Variants in PHKB observed in about 807,000 individuals in gnomAD.
The protein encoded by PHKB is phosphorylase b kinase regulatory subunit beta.
Under a neutral mutation model 152.1 loss-of-function variants are expected in PHKB, and 122 were observed. The observed-to-expected ratio is 0.80, with a 90% CI of 0.69 to 0.93. The LOEUF (loss-of-function observed/expected upper bound fraction) is 0.93. Among genes scored for constraint, PHKB ranks in the 40% least tolerant of loss-of-function variants. PHKB has a pLI of 0.00. For synonymous variants in PHKB, 436 were observed against 464.9 expected, an observed-to-expected ratio of 0.94 and a Z score of 0.80; for missense variants, 1,304 against 1,328.4, an observed-to-expected ratio of 0.98 and a Z score of 0.29.
intron 6 of PHKB, among the ~76,000 whole-genome samples, chr16:47,533,350 C>G (rs577101331): frequency 4.5e-4 from 68 of 152,294 alleles, no homozygotes; most frequent in African/African-American, 1.6e-3. Context: ...AGTCCAGCCG[C>G]CAGCCTTCAG....
At chr16:47,487,803 A>G (rs1033219264) in intron 1 of PHKB, among the ~76,000 whole-genome samples, 4 of 152,148 alleles carry the variant, frequency 2.6e-5, no homozygotes, top group Non-Finnish European at 5.9e-5. Context: ...ATGGTATTTC[A>G]TGGTATATAG....
At chr16:47,631,586 G>A (rs1456814147) in intron 14 of PHKB, among the ~76,000 whole-genome samples, 4 of 152,068 alleles carry the variant, frequency 2.6e-5, no homozygotes, top group East Asian at 1.9e-4. Context: ...CTATCAACCC[G>A]TCATCTACAT....
chr16:47,569,493 C>T (rs1479798344), intron 7 of PHKB, among the ~76,000 whole-genome samples: 1 of 152,170 alleles, frequency 6.6e-6, no homozygotes, highest in Non-Finnish European at 1.5e-5. Flanking sequence ...TGGGGCATTA[C>T]ACCATTTACA....
intron 2 of PHKB, 48 bp from the exon 3 acceptor site, chr16:47,499,708 A>G (rs1300443363): frequency 6.2e-7 from 1 of 1,611,402 alleles, no homozygotes; most frequent in East Asian, 2.2e-5. Flanking sequence ...TAGCCCAAGG[A>G]AAGTCGCTGA....
At chr16:47,690,127 A>G (rs767230120) in intron 27 of PHKB, among the ~76,000 whole-genome samples, 1 of 152,144 alleles carries the variant, frequency 6.6e-6, no homozygotes, top group Non-Finnish European at 1.5e-5. Flanking sequence ...CCAGAAATAG[A>G]CCCCCAAGTA....
intron 14 of PHKB, among the ~76,000 whole-genome samples, chr16:47,631,408 G>A (rs1972824322): frequency 6.6e-6 from 1 of 152,224 alleles, no homozygotes; most frequent in African/African-American, 2.4e-5. Flanking sequence ...ATAGCAAGCT[G>A]TCAAGATGTA....
intron 14 of PHKB, among the ~76,000 whole-genome samples, chr16:47,638,044 C>T (rs566009088): frequency 3.9e-5 from 6 of 152,086 alleles, no homozygotes; most frequent in Non-Finnish European, 8.8e-5. Context: ...GCACCCCTCC[C>T]CATTCCCCAG....
chr16:47,635,367 A>G (rs1197061728), intron 14 of PHKB, among the ~76,000 whole-genome samples: 2 of 152,206 alleles, frequency 1.3e-5, no homozygotes, highest in African/African-American at 2.4e-5. Context: ...TTAAGAGTAT[A>G]TAATTTAATA....
chr16:47,698,398 T>C, intron 29 of PHKB, 50 bp from the exon 30 acceptor site: 1 of 1,392,776 alleles, frequency 7.2e-7, no homozygotes. Context: ...GGTGAAAACA[T>C]GTCACTATTA....
At chr16:47,515,856 T>C (rs912189402) in intron 6 of PHKB, among the ~76,000 whole-genome samples, 1 of 151,940 alleles carries the variant, frequency 6.6e-6, no homozygotes, top group African/African-American at 2.4e-5. Flanking sequence ...TGATCTAAAA[T>C]AAAACATGTA....
intron 6 of PHKB, among the ~76,000 whole-genome samples, chr16:47,520,069 A>G (rs1366455098): frequency 6.6e-6 from 1 of 152,108 alleles, no homozygotes; most frequent in African/African-American, 2.4e-5. Context: ...ATCAGGCTGA[A>G]CTTGAGGGGT....
chr16:47,603,347 C>T (rs1206997117), intron 13 of PHKB, among the ~76,000 whole-genome samples: 1 of 152,132 alleles, frequency 6.6e-6, no homozygotes, highest in East Asian at 1.9e-4. Flanking sequence ...AGAATATTTT[C>T]ATTATCTTTC....
At chr16:47,501,874 A>G (rs1177947185) in intron 3 of PHKB, among the ~76,000 whole-genome samples, 2 of 152,204 alleles carry the variant, frequency 1.3e-5, no homozygotes, top group African/African-American at 4.8e-5. Context: ...CAGGCACACT[A>G]TCTATGTAGA....
At chr16:47,652,914 A>T (rs1157080431) in intron 20 of PHKB, among the ~76,000 whole-genome samples, 2 of 151,764 alleles carry the variant, frequency 1.3e-5, no homozygotes, top group African/African-American at 4.8e-5. Flanking sequence ...AAGTGCTAGG[A>T]TTACAGGCAT....
chr16:47,487,429 ATT>A (rs71679342), intron 1 of PHKB, among the ~76,000 whole-genome samples: 12,209 of 71,474 alleles, frequency 0.17, 724 homozygotes, highest in African/African-American at 0.26. Context: ...ATATATATAT[ATT>A]TTTTTTTTCT....
chr16:47,615,358 G>A (rs1473553316), intron 14 of PHKB, among the ~76,000 whole-genome samples: 2 of 152,164 alleles, frequency 1.3e-5, no homozygotes. Context: ...CTTTGTTGAT[G>A]CTGCAAATAT....
intron 13 of PHKB, among the ~76,000 whole-genome samples, chr16:47,599,798 T>A (rs1972188871): frequency 1.3e-5 from 2 of 152,224 alleles, no homozygotes; most frequent in South Asian, 4.1e-4. Flanking sequence ...TCATTAGTAG[T>A]CTAGCCTAGC....
At chr16:47,664,024 G>C (rs1196853208) in intron 24 of PHKB, 2 of 407,888 alleles carry the variant, frequency 4.9e-6, no homozygotes, top group Non-Finnish European at 8.9e-6. Flanking sequence ...CCAACAAGGT[G>C]CTTTAAGTTC....
At chr16:47,693,572 T>C (rs939548019) in intron 28 of PHKB, 65 bp downstream of exon 28, 28 of 1,521,414 alleles carry the variant, frequency 1.8e-5, no homozygotes, top group Non-Finnish European at 2.4e-5. Context: ...TCCTTTCCTC[T>C]TGCACTGCAA....
Sources: gnomAD v4.1 joint callset for allele counts (sites outside exome capture counted in the v4.1 genomes callset) on GRCh38, gnomAD v4.1.1 for gene constraint, MANE v1.5 for transcripts, NCBI Gene and HGNC (gene_info 2026-07-23, HGNC 2026-07-21) for gene names.